Variants in PHAF1 observed in about 807,000 individuals in gnomAD.
PHAF1 encodes the protein phagosome assembly factor 1.
In PHAF1, 23 loss-of-function variants were observed where a neutral mutation model predicts 63.1. The ratio of observed to expected loss-of-function variants is 0.36; its 90% CI spans 0.26 to 0.52. The LOEUF (loss-of-function observed/expected upper bound fraction) is 0.52, where lower values mean the gene tolerates loss of function less well. Ranked by LOEUF, PHAF1 falls within the 20% of genes least tolerant of loss-of-function variation. The probability of loss-of-function intolerance (pLI) is 0.93; values close to 1 mark genes in which losing one functional copy is unlikely to be tolerated. For synonymous variants in PHAF1, 167 were observed against 185.0 expected (o/e 0.90, Z 0.79); for missense variants, 427 against 517.2 (o/e 0.83, Z 1.69).
At chr16:67,133,109 G>A (rs962835777) in intron 6 of PHAF1, among the ~76,000 whole-genome samples, 198 bp downstream of exon 6, 4 of 152,162 alleles carry the variant, frequency 2.6e-5, no homozygotes, top group East Asian at 1.9e-4. Flanking sequence ...CTGGCATTCC[G>A]AGGAAGAGGA....
intron 8 of PHAF1, chr16:67,135,181 T>G (rs1963563875): frequency 6.3e-6 from 1 of 157,566 alleles, no homozygotes; most frequent in South Asian, 1.9e-4. Context: ...AGAGTCTTAC[T>G]CTGTTGCTGA....
chr16:67,132,352 T>C (rs1168289593), intron 4 of PHAF1, 94 bp from the exon 5 acceptor site: 7 of 1,105,778 alleles, frequency 6.3e-6, no homozygotes, highest in Non-Finnish European at 9.2e-6. Context: ...CTCACCTGCC[T>C]GTGTCTTAAA....
chr16:67,126,178 G>T (rs765678692), intron 3 of PHAF1, 136 bp downstream of exon 3: 20 of 657,800 alleles, frequency 3.0e-5, no homozygotes, highest in Non-Finnish European at 5.3e-5. Context: ...TCACTACAAT[G>T]TAGGGAACTG....
intron 8 of PHAF1, chr16:67,139,531 G>A (rs1262323255): frequency 6.2e-6 from 1 of 161,674 alleles, no homozygotes; most frequent in East Asian, 1.8e-4. Flanking sequence ...GTATGTTTTT[G>A]TAGAGACGGA....
At chr16:67,124,654 CAGATGGATCACGAGGTCAGG>C (rs1051857821) in intron 2 of PHAF1, among the ~76,000 whole-genome samples, 10 of 152,256 alleles carry the variant, frequency 6.6e-5, no homozygotes, top group Middle Eastern at 3.4e-3. Flanking sequence ...GAGGCTGAGG[CAGATGGATCACGAGGTCAGG>C]AGATGGATCA....
Position 67,110,070 on chromosome 16 carries a change from G to T in PHAF1, c.-106G>T. 8.0e-7 allele frequency: 1 copy of T among 1,254,432 alleles called. No homozygotes were observed. Among genetic ancestry groups the T allele is most frequent in the Non-Finnish European group, 1.1e-6 (1 of 891,608 alleles). 77.7% of individuals were successfully genotyped at this position (1,254,432 alleles called of 1,614,324 possible). A position where few individuals can be genotyped will look rare whatever the true frequency, so the allele number is the denominator to read the frequency against. ...CGGGGAGGAGGTGGAAAGCGGGGCT[G>T]TGGCGGGCCGGCGGGGGCGGCCTGT... On this transcript the variant is annotated 5_prime_UTR_variant, in exon 1 of 16. Coordinates refer to ENST00000219139, the MANE Select transcript of PHAF1 (RefSeq NM_025187.5).
chr16:67,133,572 C>T (rs1019646319), intron 6 of PHAF1, among the ~76,000 whole-genome samples: 6 of 151,210 alleles, frequency 4.0e-5, no homozygotes, highest in South Asian at 2.1e-4. Flanking sequence ...TTTGGGAGGC[C>T]GAGGCGGGCC....
intron 10 of PHAF1, among the ~76,000 whole-genome samples, chr16:67,142,882 C>T (rs1258192068): frequency 3.9e-5 from 6 of 152,206 alleles, no homozygotes; most frequent in Non-Finnish European, 8.8e-5. Context: ...CTGCTCCAGT[C>T]GGCATCCTTG....
intron 2 of PHAF1, 115 bp downstream of exon 2, chr16:67,120,309 ATC>A: frequency 2.2e-6 from 2 of 910,612 alleles, no homozygotes; most frequent in Non-Finnish European, 3.4e-6. Context: ...GAATGGGAGA[ATC>A]TCTAGCACCA....
At chr16:67,131,416 C>T (rs1408876477) in intron 4 of PHAF1, 87 bp downstream of exon 4, 3 of 1,016,286 alleles carry the variant, frequency 3.0e-6, no homozygotes, top group Non-Finnish European at 4.4e-6. Flanking sequence ...AGATTCACAT[C>T]TGTCACAGAT....
At chr16:67,128,238 A>G (rs538392851) in intron 3 of PHAF1, among the ~76,000 whole-genome samples, 118 of 152,350 alleles carry the variant, frequency 7.7e-4, no homozygotes, top group African/African-American at 2.5e-3. Context: ...GGATCTGGGA[A>G]ATAAATAAGA....
intron 8 of PHAF1, chr16:67,135,865 C>G (rs955965783): frequency 2.6e-5 from 4 of 152,228 alleles, no homozygotes; most frequent in Non-Finnish European, 2.9e-5. Flanking sequence ...CCTGACTAGG[C>G]TACAGGCACG....
intron 7 of PHAF1, 24 bp from the exon 8 acceptor site, chr16:67,134,331 T>C (rs997294582): frequency 6.2e-7 from 1 of 1,607,956 alleles, no homozygotes; most frequent in African/African-American, 1.3e-5. Context: ...ACCAAGCCTC[T>C]GCTCATTCTG....
At chr16:67,138,389 A>G (rs910357998) in intron 8 of PHAF1, among the ~76,000 whole-genome samples, 2 of 152,234 alleles carry the variant, frequency 1.3e-5, no homozygotes, top group Non-Finnish European at 2.9e-5. Context: ...AAGCTTCTGC[A>G]TATAAAAAAT....
intron 3 of PHAF1, 24 bp from the exon 4 acceptor site, chr16:67,131,262 G>T: frequency 1.4e-6 from 2 of 1,463,564 alleles, no homozygotes; most frequent in East Asian, 2.6e-5. Context: ...TCAGAGCATT[G>T]ACAACTCTTA....
At chr16:67,140,202 T>C (rs999875215) in intron 9 of PHAF1, 85 bp downstream of exon 9, 1 of 1,475,702 alleles carries the variant, frequency 6.8e-7, no homozygotes, top group Non-Finnish European at 9.2e-7. Context: ...TATTTTCCCA[T>C]AGAACTTGTT....
intron 8 of PHAF1, chr16:67,134,759 G>A (rs1963549304): frequency 5.8e-6 from 3 of 520,278 alleles, no homozygotes; most frequent in Non-Finnish European, 1.1e-5. Flanking sequence ...ACTCCCTGGA[G>A]TCTGTTTTTT....
At chr16:67,132,383 T>C (rs1208711853) in intron 4 of PHAF1, 63 bp from the exon 5 acceptor site, 7 of 1,357,644 alleles carry the variant, frequency 5.2e-6, no homozygotes, top group Non-Finnish European at 7.1e-6. Context: ...CCAGCTACTA[T>C]CTCACATGAT....
intron 3 of PHAF1, among the ~76,000 whole-genome samples, chr16:67,127,215 G>A (rs1229341532): frequency 1.3e-5 from 2 of 152,128 alleles, no homozygotes; most frequent in Admixed American, 6.6e-5. Flanking sequence ...GGCCTCACAG[G>A]TTAGTCATGT....
Sources: gnomAD v4.1 joint callset for allele counts (sites outside exome capture counted in the v4.1 genomes callset) on GRCh38, gnomAD v4.1.1 for gene constraint, MANE v1.5 for transcripts, NCBI Gene and HGNC (gene_info 2026-07-23, HGNC 2026-07-21) for gene names.